C2orf76: variants seen among roughly 807,000 people sequenced by gnomAD.
C2orf76 encodes chromosome 2 open reading frame 76.
A neutral mutation model predicts 16.9 loss-of-function variants in C2orf76; 23 were observed. The observed-to-expected ratio is 1.36, with a 90% CI of 0.98 to 1.93. C2orf76 has a LOEUF of 1.93. C2orf76 is among the 30% of genes most tolerant of loss of function. The pLI is 0.00. For missense variants in C2orf76, 152 were observed against 152.6 expected (o/e 1.00, Z 0.02); for synonymous variants, 48 against 52.3 (o/e 0.92, Z 0.35).
Position 119,302,548 on chromosome 2 carries a change from G to GC in C2orf76, c.305-1dup (p.Ala102GlyfsTer3). 6.8e-7 allele frequency: 1 copy of GC among 1,478,294 alleles called. No homozygotes were observed. Among genetic ancestry groups the GC allele is most frequent in the Non-Finnish European group, 9.1e-7 (1 of 1,094,360 alleles). 91.6% of individuals were successfully genotyped at this position (1,478,294 alleles called of 1,614,324 possible). On this transcript the variant is annotated frameshift_variant and splice_region_variant. Transcript: ENST00000334816. LOFTEE classifies it high-confidence loss of function. The stretch of plus-strand genomic sequence containing the variant: ...GAAGAATGCAATTTCAGTTTCACTG[G>GC]CTGAAAAAAAACAGAAAATGGAAAA...
At chr2:119,310,811 T>A (rs183925243) in intron 5 of C2orf76, among the ~76,000 whole-genome samples, 1 of 151,950 alleles carries the variant, frequency 6.6e-6, no homozygotes, top group Non-Finnish European at 1.5e-5. Flanking sequence ...GAGATGGAGG[T>A]TGCAGTGAGC....
downstream of C2orf76, among the ~76,000 whole-genome samples, chr2:119,299,082 A>T (rs921263310): frequency 6.9e-6 from 1 of 145,836 alleles, no homozygotes; most frequent in African/African-American, 2.5e-5. Context: ...CACCCAGCTA[A>T]TTTTTTTTTT....
chr2:119,364,393 G>C (rs894634838), intron 1 of C2orf76, among the ~76,000 whole-genome samples: 1 of 152,182 alleles, frequency 6.6e-6, no homozygotes, highest in Non-Finnish European at 1.5e-5. Flanking sequence ...GTGGTACAAA[G>C]AGATTACATG....
chr2:119,346,401 A>G (rs1420489207), intron 1 of C2orf76, among the ~76,000 whole-genome samples: 1 of 152,222 alleles, frequency 6.6e-6, no homozygotes, highest in Non-Finnish European at 1.5e-5. Context: ...GCCCTTTAAC[A>G]TATGAATGGT....
intron 1 of C2orf76, among the ~76,000 whole-genome samples, chr2:119,343,472 A>G (rs1680098971): frequency 1.1e-5 from 1 of 92,662 alleles, no homozygotes; most frequent in Admixed American, 1.2e-4. Flanking sequence ...ACACACCTAT[A>G]CCTACACACA....
At chr2:119,329,837 T>C (rs1022930762) in intron 2 of C2orf76, among the ~76,000 whole-genome samples, 17 of 152,202 alleles carry the variant, frequency 1.1e-4, no homozygotes, top group Middle Eastern at 3.4e-3. Context: ...CTTTAAATGG[T>C]CAAATATTTT....
intron 2 of C2orf76, among the ~76,000 whole-genome samples, chr2:119,326,633 T>A (rs1679518136): frequency 6.6e-6 from 1 of 152,136 alleles, no homozygotes; most frequent in Non-Finnish European, 1.5e-5. Context: ...TGATTAGAAC[T>A]GGAATCAATA....
intron 5 of C2orf76, among the ~76,000 whole-genome samples, chr2:119,309,251 C>T (rs116770114): frequency 6.6e-6 from 1 of 152,128 alleles, no homozygotes. Flanking sequence ...GTACTCATTT[C>T]TAATAAGTAC....
rs969384004 is a variant in C2orf76 at position 119,302,394 on chromosome 2, G to A, written c.*78C>T. The A allele has an allele frequency of 1.5e-5, 9 of 600,932 alleles. No individual in the cohort carries two copies. Among genetic ancestry groups the A allele is most frequent in the Admixed American group, 1.2e-4 (4 of 34,280 alleles). The allele number at this position is 600,932 out of a possible 1,614,324, so 37.2% of individuals were successfully genotyped here. A position where few individuals can be genotyped will look rare whatever the true frequency, so the allele number is the denominator to read the frequency against. ...GCCTGGGATTAATTTTTTAAGATTT[G>A]TTTGTCAATTTCAAAAATTCAGCAG... On this transcript the variant is annotated 3_prime_UTR_variant, in exon 6 of 6. Coordinates refer to ENST00000334816, the MANE Select transcript of C2orf76 (RefSeq NM_001322331.2).
intron 4 of C2orf76, among the ~76,000 whole-genome samples, chr2:119,312,662 T>C (rs546024305): frequency 1.3e-5 from 2 of 152,112 alleles, no homozygotes; most frequent in Admixed American, 1.3e-4. Flanking sequence ...TGATTTGGGG[T>C]GGGGGTAAAT....
chr2:119,284,602 G>A, the C2orf76 span, among the ~76,000 whole-genome samples: 26 of 151,764 alleles, frequency 1.7e-4, no homozygotes, highest in Admixed American at 4.6e-4. Context: ...GTTACTATAC[G>A]GAAACACTGA....
chr2:119,353,120 A>G (rs540566715), intron 1 of C2orf76, among the ~76,000 whole-genome samples: 1 of 152,286 alleles, frequency 6.6e-6, no homozygotes, highest in South Asian at 2.1e-4. Context: ...GGAGTAAATA[A>G]TCCTTAAGTA....
chr2:119,282,256 C>T, the C2orf76 span, among the ~76,000 whole-genome samples: 6 of 152,164 alleles, frequency 3.9e-5, no homozygotes, highest in Admixed American at 3.9e-4. Flanking sequence ...TTATCACAAA[C>T]GCCGCTGGGC....
In C2orf76 at chr2:119,311,486, T is replaced by C. The variant is rs1678984787; in HGVS notation, c.304+136A>G. ...GCACATCATTCTCATCCTCCTCCTCTGAACAGTTACCGGGCAGTGTCAGGG... is the reference window on the plus strand; with the variant it reads ...GCACATCATTCTCATCCTCCTCCTCCGAACAGTTACCGGGCAGTGTCAGGG... On this transcript the variant is annotated intron_variant, in intron 5 of 5. Transcript: ENST00000334816. The C allele has an allele frequency of 5.6e-6, 8 of 1,438,088 alleles. No individual in the cohort carries two copies. The Admixed American group carries it at 1.7e-4, about 31-fold the overall frequency. The allele number at this position is 1,438,088 out of a possible 1,614,324, so 89.1% of individuals were successfully genotyped here.
intron 1 of C2orf76, among the ~76,000 whole-genome samples, chr2:119,358,577 C>CAAA (rs58374459): frequency 6.8e-5 from 6 of 88,334 alleles, no homozygotes; most frequent in South Asian, 4.0e-4. Flanking sequence ...GACTCTGTCT[C>CAAA]AAAAAAAAAA....
At chr2:119,301,076 A>AACAC (rs57577702), downstream of C2orf76, among the ~76,000 whole-genome samples, 457 of 145,740 alleles carry the variant, frequency 3.1e-3, 2 homozygotes, top group Middle Eastern at 0.014. Context: ...ACTTCTTAAA[A>AACAC]ACACACACAC....
At chr2:119,299,739 A>G (rs564337765), downstream of C2orf76, among the ~76,000 whole-genome samples, 9 of 152,346 alleles carry the variant, frequency 5.9e-5, no homozygotes, top group South Asian at 2.1e-4. Flanking sequence ...GGTACTATAC[A>G]TACATATTTT....
chr2:119,363,747 G>A (rs554531499), intron 1 of C2orf76, among the ~76,000 whole-genome samples: 63 of 152,124 alleles, frequency 4.1e-4, no homozygotes, highest in Admixed American at 1.2e-3. Context: ...TTGCCAGGGC[G>A]AGGCACAGTG....
At chr2:119,303,758 T>G (rs1443171363) in intron 5 of C2orf76, among the ~76,000 whole-genome samples, 1 of 152,156 alleles carries the variant, frequency 6.6e-6, no homozygotes, top group Non-Finnish European at 1.5e-5. Context: ...AATAAACAAG[T>G]GTCAAAAGAA....
Sources: gnomAD v4.1 joint callset for allele counts (sites outside exome capture counted in the v4.1 genomes callset) on GRCh38, gnomAD v4.1.1 for gene constraint, MANE v1.5 for transcripts, NCBI Gene and HGNC (gene_info 2026-07-23, HGNC 2026-07-21) for gene names.